FN1: variants seen among roughly 807,000 people sequenced by gnomAD.
FN1 encodes fibronectin 1.
In FN1, 106 loss-of-function variants were observed where a neutral mutation model predicts 297.3. That is an observed-to-expected ratio of 0.36 (90% CI 0.30 to 0.42). The LOEUF is 0.42. FN1 is among the 10% of genes least tolerant of loss of function. The pLI is 1.00. For synonymous variants in FN1, 1,149 were observed against 1,152.6 expected, an observed-to-expected ratio of 1.00 and a Z score of 0.06; for missense variants, 2,690 against 3,124.9, an observed-to-expected ratio of 0.86 and a Z score of 3.32.
intron 13 of FN1, among the ~76,000 whole-genome samples, chr2:215,412,078 G>A (rs2062730806): frequency 6.6e-6 from 1 of 152,134 alleles, no homozygotes; most frequent in Admixed American, 6.5e-5. Flanking sequence ...AAGAAGATGA[G>A]AGACTAGAAG....
chr2:215,371,994 G>A lies in FN1; in HGVS notation c.6629C>T (p.Thr2210Ile). The A allele has an allele frequency of 6.2e-7, 1 of 1,614,232 alleles. No homozygotes were observed. The change falls in exon 40 of 46, where the codon ACA (threonine) becomes ATA (isoleucine). Residue 2210 changes from threonine to isoleucine, a missense_variant. By Grantham distance (89) the Thr-to-Ile change is moderately conservative. Around this residue, in one of 3 missense-constraint regions of FN1, gnomAD observed 1,743 missense variants for 1,945.2 expected, o/e 0.90. Transcript: ENST00000354785. ...ASTGQEALSQ[T>I]TISWAPFQDT... is the part of the protein sequence containing the mutation. ...CTGGAATGGGGCCCATGAGATGGTTGTCTGAGAGAGAGCTTCTTGTCCTGT... is the reference window on the plus strand; with the variant it reads ...CTGGAATGGGGCCCATGAGATGGTTATCTGAGAGAGAGCTTCTTGTCCTGT...
intron 9 of FN1, among the ~76,000 whole-genome samples, chr2:215,422,716 T>G (rs2064626925): frequency 6.6e-6 from 1 of 152,242 alleles, no homozygotes; most frequent in African/African-American, 2.4e-5. Flanking sequence ...ATAGTCACAC[T>G]TGACAGTGCC....
chr2:215,410,329 G>C (rs1178996831), intron 13 of FN1, among the ~76,000 whole-genome samples: 3 of 152,060 alleles, frequency 2.0e-5, no homozygotes, highest in Non-Finnish European at 2.9e-5. Context: ...TCAACAAACT[G>C]CTGCAGTTTA....
At chr2:215,378,494 T>C (rs1414931151) in intron 34 of FN1, among the ~76,000 whole-genome samples, 3 of 152,026 alleles carry the variant, frequency 2.0e-5, no homozygotes, top group African/African-American at 4.8e-5. Flanking sequence ...CCATAGATTA[T>C]ATACTTAAAC....
chr2:215,435,972 A>G lies in FN1; in HGVS notation c.-170T>C. On this transcript the variant is annotated 5_prime_UTR_variant, in exon 1 of 46. Coordinates refer to ENST00000354785, the MANE Select transcript of FN1 (RefSeq NM_212482.4). ...GGGGACGGGTGGAGGGACAGAAGGG[A>G]TGCAGAGGACCAGAGAAGTTGTGGC... 3 of 1,383,004 alleles carry G rather than the reference A, an allele frequency of 2.2e-6. No homozygotes were observed. Among genetic ancestry groups the G allele is most frequent in the Non-Finnish European group, 2.9e-6 (3 of 1,052,612 alleles). 85.7% of individuals were successfully genotyped at this position (1,383,004 alleles called of 1,614,324 possible).
rs138709133 is a variant in FN1 at position 215,397,833 on chromosome 2, T to G, written c.3364A>C (p.Ser1122Arg). Residue 1122 changes from serine to arginine, a missense_variant, in exon 22 of 46, where the codon AGC becomes CGC. This residue lies in a region of FN1 where 1,743 missense variants were observed against 1,945.2 expected (regional missense o/e 0.90). Coordinates refer to ENST00000354785, the MANE Select transcript of FN1 (RefSeq NM_212482.4). ...RIGFKLGVRP[S>R]QGGEAPREVT... ...TCTCGTGGTGCCTCTCCTCCCTGGC[T>G]TGGTCGTACACCCAGCTAGAGGAAG... is the stretch of plus-strand genomic sequence containing the variant. 3.4e-4 allele frequency: 545 copies of G among 1,614,146 alleles called. No homozygotes were observed. Among genetic ancestry groups the G allele is most frequent in the Non-Finnish European group, 4.2e-4 (495 of 1,179,992 alleles).
intron 5 of FN1, among the ~76,000 whole-genome samples, chr2:215,429,852 A>T (rs181453461): frequency 5.6e-4 from 85 of 152,346 alleles, no homozygotes; most frequent in Admixed American, 2.4e-3. Context: ...TTGCTATTTA[A>T]AGAGTTCTAA....
Position 215,408,408 on chromosome 2 carries a change from G to C in FN1, c.2318C>G (p.Thr773Ser). 6.2e-7 allele frequency: 1 copy of C among 1,614,174 alleles called. No individual in the cohort carries two copies. ...PQYLDLPSTATSVNIPDLLPG... is the reference protein window; with the variant it reads ...PQYLDLPSTASSVNIPDLLPG... ...AAGCAGGTCAGGGATGTTCACAGAAGTGGCTGTGCTTGGAAGATCTTTGAA... is the reference window on the plus strand; with the variant it reads ...AAGCAGGTCAGGGATGTTCACAGAACTGGCTGTGCTTGGAAGATCTTTGAA... The change falls in exon 16 of 46, where the codon ACT becomes AGT. Residue 773 changes from threonine (T) to serine (S), a missense_variant. Coordinates refer to ENST00000354785, the MANE Select transcript of FN1 (RefSeq NM_212482.4).
At position 215,393,083 on chromosome 2, in the gene FN1, C is replaced by T. The variant is rs2059892179; in HGVS notation, c.3917G>A (p.Gly1306Glu). 1 of 1,613,980 alleles carries T rather than the reference C, an allele frequency of 6.2e-7. No individual in the cohort carries two copies. The highest frequency in any genetic ancestry group is 1.3e-5 in the African/African-American group (1 of 74,902). Reference protein sequence around the residue: ...IGYRITVVAAGEGIPIFEDFV... With the variant: ...IGYRITVVAAEEGIPIFEDFV... The stretch of plus-strand genomic sequence containing the variant: ...ATCTTCAAAAATAGGGATACCTTCT[C>T]CTGCCGCAACTACTGTGATGCGGTA... The change falls in exon 25 of 46, where the codon GGA becomes GAA. Residue 1306 changes from glycine (G) to glutamate (E), a missense_variant. By Grantham distance (98) the Gly-to-Glu change is moderately conservative (BLOSUM62 -2). Coordinates refer to ENST00000354785, the MANE Select transcript of FN1 (RefSeq NM_212482.4).
chr2:215,376,373 A>C lies in FN1; in HGVS notation c.5887+125T>G, dbSNP rs1435449808. The stretch of plus-strand genomic sequence containing the variant: ...ATCATAGCATGAAAATAACGTTCTA[A>C]AACTGGGTTATGATGATAACACTGA... On this transcript the variant is annotated intron_variant, in intron 36 of 45. Coordinates refer to ENST00000354785, the MANE Select transcript of FN1 (RefSeq NM_212482.4). 3.4e-6 allele frequency: 3 copies of C among 878,190 alleles called. No individual in the cohort carries two copies. The East Asian group carries it at 7.6e-5, about 22-fold the overall frequency. The allele number at this position is 878,190 out of a possible 1,614,324, so 54.4% of individuals were successfully genotyped here.
At chr2:215,384,256 A>G in intron 29 of FN1, 72 bp from the exon 30 acceptor site, 1 of 1,404,378 alleles carries the variant, frequency 7.1e-7, no homozygotes, top group Non-Finnish European at 1.0e-6. Flanking sequence ...TAATTGAATT[A>G]CCACATTTAT....
chr2:215,404,263 G>C, intron 20 of FN1, 126 bp downstream of exon 20: 1 of 996,114 alleles, frequency 1.0e-6, no homozygotes, highest in Non-Finnish European at 1.5e-6. Flanking sequence ...CACATTTTTA[G>C]TATCACTGAT....
Position 215,372,301 on chromosome 2 carries a change from C to T in FN1, c.6322G>A (p.Val2108Ile). Reference protein sequence around the residue: ...GPEILDVPSTVQKTPFVTHPG... With the variant: ...GPEILDVPSTIQKTPFVTHPG... ...TGGGTGACGAAAGGGGTCTTTTGAA[C>T]TGTGGAAGGAACATCCAAGATCTCT... The change falls in exon 40 of 46, where the codon GTT becomes ATT. Residue 2108 changes from valine (V) to isoleucine (I), a missense_variant. By Grantham distance (29) the Val-to-Ile change is conservative (BLOSUM62 3). Coordinates refer to ENST00000354785, the MANE Select transcript of FN1 (RefSeq NM_212482.4). The T allele has an allele frequency of 6.2e-7, 1 of 1,614,176 alleles. No homozygotes were observed. The highest frequency in any genetic ancestry group is 8.5e-7 in the Non-Finnish European group (1 of 1,180,034).
chr2:215,370,334 C>T lies in FN1; in HGVS notation c.6813G>A (p.Arg2271=). Reference sequence around the variant, plus strand: ...TAACAACCTCTTCCCGAACCTTATGCCTCTGCTGGTCTTTCAGTGCCTCCA... The same window carrying T: ...TAACAACCTCTTCCCGAACCTTATGTCTCTGCTGGTCTTTCAGTGCCTCCA... The part of the protein sequence containing the change: ...VIVEALKDQQ[R]HKVREEVVTV... Residue 2271 remains arginine (R), a synonymous_variant, in exon 41 of 46, where the codon AGG becomes AGA. Transcript: ENST00000354785. 6.2e-7 allele frequency: 1 copy of T among 1,613,936 alleles called. No individual in the cohort carries two copies. Among genetic ancestry groups the T allele is most frequent in the Non-Finnish European group, 8.5e-7 (1 of 1,179,992 alleles).
Position 215,410,055 on chromosome 2 carries a change from G to A in FN1, c.2001C>T (p.Thr667=), listed in dbSNP as rs774765111. ...CCACACCAGGCTTCAGGCCTTTGAT[G>A]GTGTAGGAGTTTAAGTGGCCTGGTA... is the stretch of plus-strand genomic sequence containing the variant. ...ATIPGHLNSY[T]IKGLKPGVVY... The change falls in exon 14 of 46, where the codon ACC becomes ACT. Residue 667 remains threonine, a synonymous_variant. Transcript: ENST00000354785. 1.9e-6 allele frequency: 3 copies of A among 1,613,924 alleles called. No homozygotes were observed. The highest frequency in any genetic ancestry group is 2.7e-5 in the African/African-American group (2 of 74,970).
At chr2:215,380,760 G>T (rs765757990) in intron 33 of FN1, 51 bp downstream of exon 33, 1 of 1,602,818 alleles carries the variant, frequency 6.2e-7, no homozygotes, top group East Asian at 2.2e-5. Flanking sequence ...ATTCAGTAGG[G>T]CATAAAGCCG....
intron 6 of FN1, among the ~76,000 whole-genome samples, 156 bp downstream of exon 6, chr2:215,428,024 A>G (rs2065804269): frequency 6.6e-6 from 1 of 152,234 alleles, no homozygotes; most frequent in Admixed American, 6.5e-5. Context: ...GACATTAAAA[A>G]AAGTTTTAAC....
chr2:215,426,851 A>C (rs2065534934), intron 6 of FN1, among the ~76,000 whole-genome samples: 1 of 151,962 alleles, frequency 6.6e-6, no homozygotes, highest in Non-Finnish European at 1.5e-5. Context: ...TGGTAGACTG[A>C]CATTTATAAT....
intron 35 of FN1, 133 bp downstream of exon 35, chr2:215,378,042 A>C (rs905950463): frequency 7.0e-5 from 49 of 704,282 alleles, no homozygotes; most frequent in Middle Eastern, 7.4e-4. Flanking sequence ...TCCTGGCCTC[A>C]AGTGACGCTC....
Sources: allele counts gnomAD v4.1 joint callset (sites outside exome capture counted in the v4.1 genomes callset), GRCh38; gene constraint gnomAD v4.1.1; regional missense constraint gnomAD v4.1.1; transcripts MANE v1.5; gene names NCBI Gene and HGNC (gene_info 2026-07-23, HGNC 2026-07-21).